The following BCAS3 variants were observed in gnomAD, a reference collection of about 807,000 sequenced individuals.
The protein encoded by BCAS3 is BCAS3 microtubule associated cell migration factor.
BCAS3 carries 53 observed loss-of-function variants against 116.1 expected under a neutral mutation model. The ratio of observed to expected loss-of-function variants is 0.46; its 90% CI spans 0.37 to 0.57. The LOEUF is 0.57. BCAS3 is among the 20% of genes least tolerant of loss of function. The probability of loss-of-function intolerance (pLI) is 0.00; values close to 1 mark genes in which losing one functional copy is unlikely to be tolerated. For synonymous variants in BCAS3, 391 were observed against 408.2 expected (o/e 0.96, Z 0.51); for missense variants, 917 against 1,165.4 (o/e 0.79, Z 3.10).
At chr17:60,889,379 T>TA (rs1330920054) in intron 9 of BCAS3, among the ~76,000 whole-genome samples, 3 of 152,206 alleles carry the variant, frequency 2.0e-5, no homozygotes, top group Admixed American at 6.5e-5. Flanking sequence ...ATGTTAGACT[T>TA]AAAATGGCCC....
At chr17:60,982,623 T>C (rs999676941) in intron 14 of BCAS3, among the ~76,000 whole-genome samples, 2 of 152,220 alleles carry the variant, frequency 1.3e-5, no homozygotes, top group African/African-American at 4.8e-5. Context: ...AACACTAACT[T>C]TGAATTTCAA....
intron 18 of BCAS3, among the ~76,000 whole-genome samples, chr17:61,040,539 G>A (rs1203489272): frequency 6.6e-5 from 10 of 152,118 alleles, no homozygotes; most frequent in Non-Finnish European, 4.4e-5. Flanking sequence ...CTATCCTGTT[G>A]GAGGGTCTTC....
chr17:61,189,239 G>T lies in BCAS3; in HGVS notation c.2425+104675G>T, dbSNP rs1025010168. Among the ~76,000 whole-genome samples, 1 of 152,200 alleles carries T rather than the reference G, an allele frequency of 6.6e-6. No homozygotes were observed. Among genetic ancestry groups the T allele is most frequent in the Non-Finnish European group, 1.5e-5 (1 of 68,028 alleles). ...TATTTAAGGAAAGCTTTCTGTAGAA[G>T]TACACCTGGGAGAAGTGTAATAGCA... On this transcript the variant is annotated intron_variant, in intron 22 of 23. Coordinates refer to ENST00000407086, the MANE Select transcript of BCAS3 (RefSeq NM_017679.5). This position sits in a 1 kb window ranked among gnomAD's most constrained non-coding sequence, Gnocchi z 4.5.
In BCAS3 at chr17:61,068,535, C is replaced by T. The variant is rs1390097577; in HGVS notation, c.2030-6385C>T. ...TCTTGTACATGTATGAAACATTCTT[C>T]TCCTCTAAGCTATGGAGAACATGGT... On this transcript the variant is annotated intron_variant, in intron 19 of 23. Transcript: ENST00000407086. The surrounding 1 kb of genome is among the most constrained non-coding windows in gnomAD (Gnocchi z 4.3). Among the ~76,000 whole-genome samples the T allele has an allele frequency of 6.6e-6, 1 of 152,212 alleles. No homozygotes were observed. Among genetic ancestry groups the T allele is most frequent in the East Asian group, 1.9e-4 (1 of 5,196 alleles).
intron 4 of BCAS3, among the ~76,000 whole-genome samples, chr17:60,693,745 A>T (rs900409585): frequency 6.6e-6 from 1 of 151,484 alleles, no homozygotes; most frequent in African/African-American, 2.4e-5. Context: ...CTAGTACTAT[A>T]TTTGAGTGTT....
chr17:60,811,528 A>G lies in BCAS3; in HGVS notation c.476+3452A>G, dbSNP rs1055725115. ...AATGAAAAGTTCAGAGGTAAAAAAAAAAAAGAAAAAAGAAATCTTATGTGG... is the reference window on the plus strand; with the variant it reads ...AATGAAAAGTTCAGAGGTAAAAAAAGAAAAGAAAAAAGAAATCTTATGTGG... On this transcript the variant is annotated intron_variant, in intron 7 of 23. Transcript: ENST00000407086. 1.3e-5 allele frequency: 5 copies of G among 372,206 alleles called. No individual in the cohort carries two copies. The East Asian group carries it at 3.2e-4, about 24-fold the overall frequency. 23.1% of individuals were successfully genotyped at this position (372,206 alleles called of 1,614,324 possible). A position where few individuals can be genotyped will look rare whatever the true frequency, so the allele number is the denominator to read the frequency against.
At chr17:60,822,678 A>G (rs953639286) in intron 7 of BCAS3, among the ~76,000 whole-genome samples, 8 of 152,222 alleles carry the variant, frequency 5.3e-5, no homozygotes, top group African/African-American at 1.9e-4. Context: ...TTTGAAATGT[A>G]CAGTTTCCAA....
intron 4 of BCAS3, among the ~76,000 whole-genome samples, chr17:60,704,548 G>GT (rs1432142356): frequency 4.0e-5 from 6 of 151,888 alleles, no homozygotes; most frequent in Non-Finnish European, 8.8e-5. Flanking sequence ...GCCTTTTAAA[G>GT]TTTTTTTTGA....
chr17:61,063,382 G>A lies in BCAS3; in HGVS notation c.2030-11538G>A, dbSNP rs1178685425. The stretch of plus-strand genomic sequence containing the variant: ...CCTCCTGGGTTCAAGCGATTCTCAC[G>A]CCTCAGCCTCCCGAGTAGCTGGGAC... On this transcript the variant is annotated intron_variant, in intron 19 of 23. Transcript: ENST00000407086. This position sits in a 1 kb window ranked among gnomAD's most constrained non-coding sequence, Gnocchi z 5.3. Among the ~76,000 whole-genome samples the A allele has an allele frequency of 4.0e-5, 6 of 151,806 alleles. No homozygotes were observed. The highest frequency in any genetic ancestry group is 7.4e-5 in the Non-Finnish European group (5 of 67,958).
intron 22 of BCAS3, among the ~76,000 whole-genome samples, chr17:61,090,778 C>T (rs1601154237): frequency 6.6e-6 from 1 of 152,280 alleles, no homozygotes; most frequent in South Asian, 2.1e-4. Context: ...CTGCCTCAGC[C>T]TCCCGAGTAG....
chr17:61,044,581 T>G (rs1225844222), intron 19 of BCAS3, among the ~76,000 whole-genome samples: 3 of 151,544 alleles, frequency 2.0e-5, no homozygotes. Context: ...TTATCAATGA[T>G]GTTAAATGAG....
At chr17:61,042,070 G>A (rs1331803403) in intron 19 of BCAS3, among the ~76,000 whole-genome samples, 1 of 152,088 alleles carries the variant, frequency 6.6e-6, no homozygotes, top group East Asian at 1.9e-4. Context: ...CGGGTGATAT[G>A]TAAGTGGTTT....
In BCAS3 at chr17:61,285,191, G is replaced by T. The variant is rs57955183; in HGVS notation, c.2426-83136G>T. Among the ~76,000 whole-genome samples the T allele has an allele frequency of 7.7e-3, 1,169 of 150,946 alleles. 14 individuals are homozygous for T. The highest frequency in any genetic ancestry group is 0.028 in the African/African-American group (1,131 of 40,586). ...CAGAGAAATGAAAAGTATCACTTGA[G>T]AACTAAATTGGGGTGTTTTGCTTTT... On this transcript the variant is annotated intron_variant, in intron 22 of 23. Coordinates refer to ENST00000407086, the MANE Select transcript of BCAS3 (RefSeq NM_017679.5). The surrounding 1 kb of genome is among the most constrained non-coding windows in gnomAD (Gnocchi z 5.4).
chr17:60,864,291 A>G (rs542887115), intron 7 of BCAS3, among the ~76,000 whole-genome samples: 56 of 152,304 alleles, frequency 3.7e-4, no homozygotes, highest in Admixed American at 1.4e-3. Flanking sequence ...ATGAAGCTAG[A>G]GGTTCTTCAG....
chr17:60,702,688 C>A (rs2036570325), intron 4 of BCAS3, among the ~76,000 whole-genome samples: 1 of 152,136 alleles, frequency 6.6e-6, no homozygotes, highest in South Asian at 2.1e-4. Flanking sequence ...CTCTGGGGCT[C>A]AAGCAATCTT....
chr17:60,906,329 A>G (rs2058185471), intron 11 of BCAS3, among the ~76,000 whole-genome samples: 1 of 152,188 alleles, frequency 6.6e-6, no homozygotes. Context: ...AGTCTTGAAT[A>G]ATAATCCAAT....
chr17:61,099,429 A>G (rs1256630626), intron 22 of BCAS3, among the ~76,000 whole-genome samples: 2 of 152,202 alleles, frequency 1.3e-5, no homozygotes, highest in African/African-American at 4.8e-5. Flanking sequence ...CATGATTACA[A>G]GTTGGTAATG....
At position 61,124,834 on chromosome 17, in the gene BCAS3, T is replaced by C. The variant is rs976654386; in HGVS notation, c.2425+40270T>C. 3.9e-5 allele frequency among the ~76,000 whole-genome samples: 6 copies of C among 152,222 alleles called. No homozygotes were observed. The highest frequency in any genetic ancestry group is 6.5e-5 in the Admixed American group (1 of 15,280). On this transcript the variant is annotated intron_variant, in intron 22 of 23. Transcript: ENST00000407086. This position sits in a 1 kb window ranked among gnomAD's most constrained non-coding sequence, Gnocchi z 4.6. ...TGTTAGAAGATGCTATCGGCTCACC[T>C]GGCCTCTTAGTGACAGAGAAATCCT...
chr17:61,004,027 CA>C lies in BCAS3; in HGVS notation c.1487-11722del, dbSNP rs2145488219. On this transcript the variant is annotated intron_variant, in intron 15 of 23. Coordinates refer to ENST00000407086, the MANE Select transcript of BCAS3 (RefSeq NM_017679.5). The surrounding 1 kb of genome is among the most constrained non-coding windows in gnomAD (Gnocchi z 4.8). ...GGTTGGGGTAATAAAGAGTTTCTGG[CA>C]ATAAACTTAGAAGTTAGTTTTCAAG... The C allele has an allele frequency of 6.6e-6, 1 of 152,036 alleles. No homozygotes were observed. Among genetic ancestry groups the C allele is most frequent in the East Asian group, 1.9e-4 (1 of 5,194 alleles). 9.4% of individuals were successfully genotyped at this position (152,036 alleles called of 1,614,324 possible).
Sources: allele counts gnomAD v4.1 joint callset (sites outside exome capture counted in the v4.1 genomes callset), GRCh38; gene constraint gnomAD v4.1.1; non-coding constraint Gnocchi (gnomAD v3.1); transcripts MANE v1.5; gene names NCBI Gene and HGNC (gene_info 2026-07-23, HGNC 2026-07-21).